Variants in DRC8 observed in about 807,000 individuals in gnomAD.
The protein encoded by DRC8 is dynein regulatory complex subunit 8.
At chr1:244,996,870 C>T in the DRC8 span, among the ~76,000 whole-genome samples, 2 of 152,212 alleles carry the variant, frequency 1.3e-5, no homozygotes, top group East Asian at 1.9e-4. Flanking sequence ...CACCCCTTGG[C>T]ATGTGGCGGG....
the DRC8 span, among the ~76,000 whole-genome samples, chr1:245,115,651 G>A: frequency 6.6e-6 from 1 of 152,206 alleles, no homozygotes; most frequent in African/African-American, 2.4e-5. Context: ...AAGAACCATC[G>A]TGCACAGTGC....
chr1:245,101,812 TGTC>T, the DRC8 span, among the ~76,000 whole-genome samples: 1 of 152,214 alleles, frequency 6.6e-6, no homozygotes, highest in Non-Finnish European at 1.5e-5. Flanking sequence ...TTCAATCCAT[TGTC>T]GTCATTATTC....
chr1:245,057,380 C>T, the DRC8 span, among the ~76,000 whole-genome samples: 6 of 152,234 alleles, frequency 3.9e-5, no homozygotes, highest in South Asian at 4.1e-4. Flanking sequence ...ATTTTAACAA[C>T]GTATCTTATT....
At chr1:245,094,504 G>A in the DRC8 span, among the ~76,000 whole-genome samples, 2 of 152,140 alleles carry the variant, frequency 1.3e-5, no homozygotes, top group Non-Finnish European at 1.5e-5. Flanking sequence ...CAGGACAGCC[G>A]CCTGCCTTCC....
the DRC8 span, among the ~76,000 whole-genome samples, chr1:244,988,154 G>A: frequency 0.051 from 7,832 of 152,192 alleles, 296 homozygotes; most frequent in Non-Finnish European, 0.079. Flanking sequence ...TACCCAATAT[G>A]GAATTAAAGT....
the DRC8 span, among the ~76,000 whole-genome samples, chr1:245,009,437 T>C: frequency 6.6e-6 from 1 of 150,958 alleles, no homozygotes; most frequent in Non-Finnish European, 1.5e-5. Flanking sequence ...AATTAACCAA[T>C]ATAACTTGGA....
At chr1:245,020,792 G>A in the DRC8 span, among the ~76,000 whole-genome samples, 42 of 148,324 alleles carry the variant, frequency 2.8e-4, no homozygotes, top group Non-Finnish European at 4.8e-4. Flanking sequence ...GCTAATTTTC[G>A]TATTTTTTTT....
the DRC8 span, among the ~76,000 whole-genome samples, chr1:245,116,755 G>T: frequency 0.012 from 1,901 of 152,264 alleles, 44 homozygotes; most frequent in African/African-American, 0.043. Flanking sequence ...CATAAAAGCT[G>T]GTCTTGTAGA....
the DRC8 span, among the ~76,000 whole-genome samples, chr1:245,098,084 G>T: frequency 6.6e-6 from 1 of 152,218 alleles, no homozygotes; most frequent in East Asian, 1.9e-4. Flanking sequence ...GTGAAAGGCG[G>T]TTGGATTTGG....
At chr1:245,114,868 G>A in the DRC8 span, among the ~76,000 whole-genome samples, 12 of 152,028 alleles carry the variant, frequency 7.9e-5, no homozygotes, top group Non-Finnish European at 1.6e-4. Context: ...TGGGACTAGA[G>A]GCACATGCCA....
chr1:244,980,662 A>G, the DRC8 span, among the ~76,000 whole-genome samples: 5 of 152,204 alleles, frequency 3.3e-5, no homozygotes, highest in Middle Eastern at 3.2e-3. Context: ...ATAAAGAGGA[A>G]TAGTAGAGTT....
the DRC8 span, among the ~76,000 whole-genome samples, chr1:245,020,609 CTTTCTTT>C: frequency 3.4e-4 from 38 of 112,502 alleles, no homozygotes; most frequent in African/African-American, 1.2e-3. Context: ...TGGAGTTTTT[CTTTCTTT>C]TTTTTTTTTT....
the DRC8 span, among the ~76,000 whole-genome samples, chr1:245,041,219 A>G: frequency 6.6e-6 from 1 of 152,212 alleles, no homozygotes; most frequent in South Asian, 2.1e-4. Context: ...GGAGAAAAGC[A>G]AAGAGGATAG....
At chr1:245,123,839 G>T in the DRC8 span, 1 of 154,212 alleles carries the variant, frequency 6.5e-6, no homozygotes, top group East Asian at 1.8e-4. The surrounding 1 kb of genome is among the most constrained non-coding windows in gnomAD (Gnocchi z 5.0). Context: ...TCCTGAGGTG[G>T]GTGCAGGTGG....
the DRC8 span, among the ~76,000 whole-genome samples, chr1:245,013,023 G>A: frequency 6.6e-5 from 10 of 152,112 alleles, no homozygotes; most frequent in Non-Finnish European, 5.9e-5. Context: ...GATAATACAC[G>A]ATAAAGTGCA....
chr1:245,002,901 GA>G, the DRC8 span, among the ~76,000 whole-genome samples: 1 of 151,990 alleles, frequency 6.6e-6, no homozygotes, highest in Non-Finnish European at 1.5e-5. Context: ...TCCAACTTCA[GA>G]ACCTTTTTGT....
chr1:244,989,248 TTAAC>T, the DRC8 span, among the ~76,000 whole-genome samples: 1 of 152,158 alleles, frequency 6.6e-6, no homozygotes, highest in Non-Finnish European at 1.5e-5. Context: ...ATTTTAAAAA[TTAAC>T]TAAAGTCCAT....
the DRC8 span, among the ~76,000 whole-genome samples, chr1:245,042,745 T>C: frequency 2.0e-5 from 3 of 152,212 alleles, no homozygotes; most frequent in Non-Finnish European, 2.9e-5. Flanking sequence ...TTTTTGTCTC[T>C]TATAATTGTG....
chr1:245,056,675 C>G, the DRC8 span, among the ~76,000 whole-genome samples: 1 of 152,146 alleles, frequency 6.6e-6, no homozygotes. Context: ...TGGTGGCTCA[C>G]GCCTGTAATC....
Sources: gnomAD v4.1 joint callset for allele counts (sites outside exome capture counted in the v4.1 genomes callset) on GRCh38, gnomAD v4.1.1 for gene constraint, Gnocchi (gnomAD v3.1) non-coding constraint, MANE v1.5 for transcripts, NCBI Gene and HGNC (gene_info 2026-07-23, HGNC 2026-07-21) for gene names.